The following CLEC2A variants were observed in gnomAD, a reference collection of about 807,000 sequenced individuals.
CLEC2A encodes C-type lectin domain family 2 member A, also known as keratinocyte-associated C-type lectin.
In CLEC2A, 19 loss-of-function variants were observed where a neutral mutation model predicts 18.6. The observed-to-expected ratio is 1.02, with a 90% CI of 0.71 to 1.50. The LOEUF (loss-of-function observed/expected upper bound fraction) is 1.50. CLEC2A is among the 40% of genes most tolerant of loss of function. The pLI is 0.00. For synonymous variants in CLEC2A, 74 were observed against 64.0 expected (o/e 1.16, Z -0.75); for missense variants, 190 against 207.9 (o/e 0.91, Z 0.53).
chr12:9,925,023 T>C (rs1310527699), intron 2 of CLEC2A, among the ~76,000 whole-genome samples: 1 of 152,248 alleles, frequency 6.6e-6, no homozygotes, highest in Non-Finnish European at 1.5e-5. Flanking sequence ...CCGGTCACTT[T>C]TCTACCCAAT....
intron 2 of CLEC2A, among the ~76,000 whole-genome samples, chr12:9,926,040 A>G (rs1423087538): frequency 6.6e-6 from 1 of 152,182 alleles, no homozygotes; most frequent in Non-Finnish European, 1.5e-5. Flanking sequence ...AGCATCAAGG[A>G]CTATAAAGTC....
At chr12:9,903,368 C>A (rs916994283) in intron 4 of CLEC2A, among the ~76,000 whole-genome samples, 2 of 152,144 alleles carry the variant, frequency 1.3e-5, no homozygotes, top group Non-Finnish European at 2.9e-5. Flanking sequence ...CAAGAATAAG[C>A]ACACCTATTA....
rs937600329 is a variant in CLEC2A at position 9,916,756 on chromosome 12, T to G, written c.354A>C (p.Leu118=). The change falls in exon 4 of 5, where the codon CTA becomes CTC. Residue 118 remains leucine (L), a synonymous_variant. Coordinates refer to ENST00000455827, the MANE Select transcript of CLEC2A (RefSeq NM_001130711.2). Reference sequence around the variant, plus strand: ...TCCAAGAATCTCCTTGTTTCCTGCTTAGTCCAATCCAGTGCATATCAGTTC... The same window carrying G: ...TCCAAGAATCTCCTTGTTTCCTGCTGAGTCCAATCCAGTGCATATCAGTTC... ...YAGTDMHWIG[L]SRKQGDSWKW... 1 of 1,551,440 alleles carries G rather than the reference T, an allele frequency of 6.4e-7. No individual in the cohort carries two copies. The highest frequency in any genetic ancestry group is 1.4e-5 in the African/African-American group (1 of 73,032).
At chr12:9,919,211 A>C (rs1863121699) in intron 3 of CLEC2A, among the ~76,000 whole-genome samples, 2 of 152,182 alleles carry the variant, frequency 1.3e-5, no homozygotes, top group Admixed American at 1.3e-4. Context: ...TTCTTCCCCA[A>C]CTTGGAGGCA....
At chr12:9,878,190 C>A in the CLEC2A span, among the ~76,000 whole-genome samples, 1 of 151,988 alleles carries the variant, frequency 6.6e-6, no homozygotes, top group African/African-American at 2.4e-5. Context: ...ATTTCAGAAG[C>A]GTAGAAGTTG....
chr12:9,894,126 T>TTCTTTC (rs1555127271), downstream of CLEC2A, among the ~76,000 whole-genome samples: 34 of 130,290 alleles, frequency 2.6e-4, no homozygotes, highest in African/African-American at 9.7e-4. Context: ...TTTCTTTTCT[T>TTCTTTC]TCTCTCTCTC....
chr12:9,890,767 A>G, the CLEC2A span, among the ~76,000 whole-genome samples: 1 of 152,206 alleles, frequency 6.6e-6, no homozygotes, highest in Admixed American at 6.5e-5. Flanking sequence ...TAATCATGCA[A>G]GTGATATTTC....
At chr12:9,890,562 C>A in the CLEC2A span, among the ~76,000 whole-genome samples, 1 of 152,172 alleles carries the variant, frequency 6.6e-6, no homozygotes, top group Non-Finnish European at 1.5e-5. Flanking sequence ...CCTCCCGAAA[C>A]ATGGAAGCTG....
At chr12:9,880,045 T>A in the CLEC2A span, among the ~76,000 whole-genome samples, 1 of 152,178 alleles carries the variant, frequency 6.6e-6, no homozygotes, top group African/African-American at 2.4e-5. Context: ...AATAAGTTTA[T>A]CAGTGGTTAT....
At chr12:9,914,468 A>T (rs1422136372) in intron 4 of CLEC2A, among the ~76,000 whole-genome samples, 3 of 152,212 alleles carry the variant, frequency 2.0e-5, no homozygotes, top group African/African-American at 7.2e-5. Context: ...AAACCATGCT[A>T]CAAGGCTACA....
chr12:9,908,114 T>G (rs1409547360), intron 4 of CLEC2A, among the ~76,000 whole-genome samples: 1 of 152,214 alleles, frequency 6.6e-6, no homozygotes, highest in Non-Finnish European at 1.5e-5. Flanking sequence ...TCAAGCTTAT[T>G]CTGCCTTCTA....
the CLEC2A span, chr12:9,888,660 C>A: frequency 5.3e-5 from 45 of 847,202 alleles, no homozygotes; most frequent in Non-Finnish European, 7.9e-5. Flanking sequence ...TCTGCTGGTA[C>A]TTTATTCTCA....
At chr12:9,910,770 G>A (rs1035849122), downstream of CLEC2A, among the ~76,000 whole-genome samples, 3 of 152,124 alleles carry the variant, frequency 2.0e-5, no homozygotes, top group African/African-American at 7.2e-5. Context: ...GAGAGTGTGG[G>A]TTTATTCGTC....
rs143212675 is a variant in CLEC2A at position 9,899,696 on chromosome 12, A to G, written c.411-720T>C. ...GAATAGGAAATGTCCACTCTAACCT[A>G]TGTCTCTTTCCCACCTACTGTCAGT... On this transcript the variant is annotated intron_variant, in intron 4 of 4. Transcript: ENST00000339766. Among the ~76,000 whole-genome samples, 283 of 152,288 alleles carry G rather than the reference A, an allele frequency of 1.9e-3. 4 individuals carry two copies. The highest frequency in any genetic ancestry group is 0.014 in the Admixed American group (214 of 15,302).
intron 3 of CLEC2A, among the ~76,000 whole-genome samples, chr12:9,919,824 T>G (rs1202589614): frequency 6.6e-6 from 1 of 152,134 alleles, no homozygotes. Context: ...GTGAGCTCTG[T>G]GCCAGGGAGG....
chr12:9,895,762 T>A (rs1462015596), downstream of CLEC2A: 2 of 1,535,822 alleles, frequency 1.3e-6, no homozygotes, highest in African/African-American at 2.7e-5. Flanking sequence ...TTCTGAAGAC[T>A]GTAGCTCCAC....
chr12:9,894,597 G>A (rs771437833), downstream of CLEC2A, among the ~76,000 whole-genome samples: 8 of 152,086 alleles, frequency 5.3e-5, no homozygotes, highest in Admixed American at 2.0e-4. Context: ...GAAGGGTCAC[G>A]TTTAGACATT....
chr12:9,929,946 C>T (rs1412564320), intron 1 of CLEC2A, among the ~76,000 whole-genome samples: 1 of 151,990 alleles, frequency 6.6e-6, no homozygotes, highest in Non-Finnish European at 1.5e-5. Context: ...TTTTAGACCT[C>T]TACCTTCTTT....
chr12:9,909,965 T>C (rs1017007760), downstream of CLEC2A, among the ~76,000 whole-genome samples: 1 of 152,084 alleles, frequency 6.6e-6, no homozygotes, highest in Non-Finnish European at 1.5e-5. Flanking sequence ...TTCAGAGCAG[T>C]AAGATTCTAG....
Sources: allele counts gnomAD v4.1 joint callset (sites outside exome capture counted in the v4.1 genomes callset), GRCh38; gene constraint gnomAD v4.1.1; transcripts MANE v1.5; gene names NCBI Gene and HGNC (gene_info 2026-07-23, HGNC 2026-07-21).